KIF23: variants seen among roughly 807,000 people sequenced by gnomAD.
The protein encoded by KIF23 is kinesin family member 23.
Under a neutral mutation model 137.5 loss-of-function variants are expected in KIF23, and 30 were observed. The ratio of observed to expected loss-of-function variants is 0.22; its 90% CI spans 0.16 to 0.30. The LOEUF (loss-of-function observed/expected upper bound fraction) is 0.30, where lower values mean the gene tolerates loss of function less well. Ranked by LOEUF, KIF23 falls within the 10% of genes least tolerant of loss-of-function variation. KIF23 has a pLI of 1.00. For synonymous variants in KIF23, 367 were observed against 391.1 expected (o/e 0.94, Z 0.73); for missense variants, 920 against 1,194.3 (o/e 0.77, Z 3.38).
rs1280348744 is a variant in KIF23 at position 69,448,085 on chromosome 15, GT to G, written c.*285del. On this transcript the variant is annotated 3_prime_UTR_variant, in exon 24 of 24. Transcript: ENST00000679126. ...CATCACTGTATGAATTTTTTATAATGTTTTTTTAAAATATATTTCATGTATA... is the reference window on the plus strand; with the variant it reads ...CATCACTGTATGAATTTTTTATAATGTTTTTTAAAATATATTTCATGTATA... The G allele has an allele frequency of 3.9e-6, 1 of 255,878 alleles. No individual in the cohort carries two copies. Among genetic ancestry groups the G allele is most frequent in the South Asian group, 1.6e-4 (1 of 6,342 alleles). 15.9% of individuals were successfully genotyped at this position (255,878 alleles called of 1,614,324 possible). A position where few individuals can be genotyped will look rare whatever the true frequency, so the allele number is the denominator to read the frequency against.
chr15:69,429,596 T>A (rs1051617302), intron 11 of KIF23, among the ~76,000 whole-genome samples: 7 of 152,198 alleles, frequency 4.6e-5, no homozygotes, highest in South Asian at 2.1e-4. Flanking sequence ...AATGAGCCAC[T>A]GTAACCGGCC....
chr15:69,443,203 A>G (rs1336022366), intron 19 of KIF23, among the ~76,000 whole-genome samples: 2 of 151,936 alleles, frequency 1.3e-5, no homozygotes, highest in Non-Finnish European at 2.9e-5. Flanking sequence ...TGTTAACTAT[A>G]TAGCGAAAAT....
chr15:69,424,801 C>G (rs957418804), intron 7 of KIF23, among the ~76,000 whole-genome samples: 18 of 152,326 alleles, frequency 1.2e-4, no homozygotes, highest in African/African-American at 3.6e-4. Flanking sequence ...AGCCACCATG[C>G]CTGGCCTGAC....
chr15:69,434,511 G>A (rs1371013983), intron 11 of KIF23: 2 of 723,570 alleles, frequency 2.8e-6, no homozygotes, highest in South Asian at 1.5e-5. Context: ...ACCACGCCGT[G>A]TATGCCAGCC....
intron 1 of KIF23, 34 bp downstream of exon 1, chr15:69,414,510 C>G: frequency 6.5e-7 from 1 of 1,533,066 alleles, no homozygotes; most frequent in African/African-American, 1.5e-5. Flanking sequence ...GGAGAGAGGG[C>G]GGACGGGGGC....
At chr15:69,428,790 G>T (rs2057277905) in intron 10 of KIF23, among the ~76,000 whole-genome samples, 1 of 151,336 alleles carries the variant, frequency 6.6e-6, no homozygotes, top group South Asian at 2.1e-4. Context: ...GCAAATATCT[G>T]CTGAGTTCCT....
intron 19 of KIF23, among the ~76,000 whole-genome samples, chr15:69,442,980 T>C (rs8034435): frequency 0.91 from 137,902 of 152,230 alleles, 63,110 homozygotes; most frequent in Non-Finnish European, 0.98. Context: ...CTTTCTGAAG[T>C]GTGTTTCATC....
At chr15:69,420,326 A>C (rs2057023096) in intron 3 of KIF23, among the ~76,000 whole-genome samples, 1 of 152,026 alleles carries the variant, frequency 6.6e-6, no homozygotes, top group South Asian at 2.1e-4. Flanking sequence ...AATTAACTCC[A>C]TGGGCTCAGA....
At chr15:69,433,631 C>T (rs987499488) in intron 11 of KIF23, among the ~76,000 whole-genome samples, 1 of 152,180 alleles carries the variant, frequency 6.6e-6, no homozygotes, top group African/African-American at 2.4e-5. Context: ...CAAGCCTCAA[C>T]CCATCTGTGT....
chr15:69,424,124 G>A (rs930530460), intron 7 of KIF23, among the ~76,000 whole-genome samples: 2 of 152,164 alleles, frequency 1.3e-5, no homozygotes. Flanking sequence ...TCATTAGACT[G>A]AGAATACATA....
rs1458740414 is a variant in KIF23 at position 69,444,657 on chromosome 15, T to C, written c.2422-133T>C. 3.5e-6 allele frequency: 3 copies of C among 849,576 alleles called. No individual in the cohort carries two copies. Among genetic ancestry groups the C allele is most frequent in the Non-Finnish European group, 5.3e-6 (3 of 566,704 alleles). The allele number at this position is 849,576 out of a possible 1,614,324, so 52.6% of individuals were successfully genotyped here. A position where few individuals can be genotyped will look rare whatever the true frequency, so the allele number is the denominator to read the frequency against. On this transcript the variant is annotated intron_variant, in intron 19 of 23. Coordinates refer to ENST00000679126, the MANE Select transcript of KIF23 (RefSeq NM_001367805.3). The surrounding 1 kb of genome is among the most constrained non-coding windows in gnomAD (Gnocchi z 4.2). ...GTTTTGTGTTTAAATGCAAAGATCA[T>C]GTTTAAATTACTTGAATAAAATATT...
chr15:69,436,689 C>G lies in KIF23; in HGVS notation c.1564C>G (p.Arg522Gly). The G allele has an allele frequency of 6.3e-7, 1 of 1,599,378 alleles. No individual in the cohort carries two copies. Among genetic ancestry groups the G allele is most frequent in the Non-Finnish European group, 8.5e-7 (1 of 1,171,084 alleles). Residue 522 changes from arginine (R) to glycine (G), a missense_variant, in exon 15 of 24, where the codon CGA (arginine) becomes GGA (glycine). Coordinates refer to ENST00000679126, the MANE Select transcript of KIF23 (RefSeq NM_001367805.3). Reference sequence around the variant, plus strand: ...AGCCTTAGAGAAACGACATAACTTACGACAAATGATGATTGATGAGTTTAA... The same window carrying G: ...AGCCTTAGAGAAACGACATAACTTAGGACAAATGATGATTGATGAGTTTAA... Reference protein sequence around the residue: ...IEALEKRHNLRQMMIDEFNKQ... With the variant: ...IEALEKRHNLGQMMIDEFNKQ...
chr15:69,433,247 A>C (rs920992434), intron 11 of KIF23, among the ~76,000 whole-genome samples: 1 of 152,234 alleles, frequency 6.6e-6, no homozygotes, highest in Non-Finnish European at 1.5e-5. Flanking sequence ...GGTGTATCCA[A>C]GATCCTCCAA....
intron 10 of KIF23, among the ~76,000 whole-genome samples, chr15:69,427,026 A>C (rs1394447532): frequency 1.3e-5 from 2 of 152,154 alleles, no homozygotes; most frequent in Non-Finnish European, 2.9e-5. Flanking sequence ...TCATGCCTGT[A>C]ATCCCAGTGC....
chr15:69,445,999 T>C lies in KIF23; in HGVS notation c.2674-10T>C, dbSNP rs567853264. Reference sequence around the variant, plus strand: ...CAATGTGTAACAGTGACCTTTTCTTTTGGCTTTAGGGTGATATTTATAAAA... The same window carrying C: ...CAATGTGTAACAGTGACCTTTTCTTCTGGCTTTAGGGTGATATTTATAAAA... On this transcript the variant is annotated splice_polypyrimidine_tract_variant and intron_variant, in intron 20 of 23. Coordinates refer to ENST00000679126, the MANE Select transcript of KIF23 (RefSeq NM_001367805.3). 1.6e-5 allele frequency: 26 copies of C among 1,606,166 alleles called. No homozygotes were observed. Among genetic ancestry groups the C allele is most frequent in the Non-Finnish European group, 2.0e-5 (24 of 1,173,504 alleles).
chr15:69,427,877 G>A (rs890795610), intron 10 of KIF23, among the ~76,000 whole-genome samples: 1 of 152,208 alleles, frequency 6.6e-6, no homozygotes, highest in South Asian at 2.1e-4. Context: ...CTCCTTATAA[G>A]GTTGTGAGAA....
In KIF23 at chr15:69,447,442, T is replaced by A. The variant is rs73428004; in HGVS notation, c.2910-350T>A. The stretch of plus-strand genomic sequence containing the variant: ...ACTTATACTCAGGAGTCTGACCCAG[T>A]CTTTTTCCATATTTTAATAAAATCC... On this transcript the variant is annotated intron_variant, in intron 23 of 23. Coordinates refer to ENST00000679126, the MANE Select transcript of KIF23 (RefSeq NM_001367805.3). Among the ~76,000 whole-genome samples, 958 of 152,298 alleles carry A rather than the reference T, an allele frequency of 6.3e-3. 7 individuals are homozygous for A. Among genetic ancestry groups the A allele is most frequent in the African/African-American group, 0.022 (904 of 41,566 alleles).
chr15:69,418,415 C>A (rs1026676954), intron 3 of KIF23, among the ~76,000 whole-genome samples: 2 of 152,062 alleles, frequency 1.3e-5, no homozygotes, highest in African/African-American at 4.8e-5. Context: ...AAAAGGAGTT[C>A]TTGATTTTTC....
intron 11 of KIF23, chr15:69,434,368 T>A (rs1005344236): frequency 5.7e-5 from 14 of 244,664 alleles, no homozygotes; most frequent in African/African-American, 6.7e-5. Context: ...ATCTTTTTTT[T>A]AAATAATTGG....
Sources: allele counts gnomAD v4.1 joint callset (sites outside exome capture counted in the v4.1 genomes callset), GRCh38; gene constraint gnomAD v4.1.1; non-coding constraint Gnocchi (gnomAD v3.1); transcripts MANE v1.5; gene names NCBI Gene and HGNC (gene_info 2026-07-23, HGNC 2026-07-21).